Variants in FGF13 observed in about 807,000 individuals in gnomAD.
FGF13 encodes the protein fibroblast growth factor homologous factor 2.
FGF13 carries 2 observed loss-of-function variants against 19.5 expected under a neutral mutation model. The ratio of observed to expected loss-of-function variants is 0.10; its 90% CI spans 0.04 to 0.32. The LOEUF is 0.32. Among genes scored for constraint, FGF13 ranks in the 10% least tolerant of loss-of-function variants. The probability of loss-of-function intolerance (pLI) is 1.00; values close to 1 mark genes in which losing one functional copy is unlikely to be tolerated. For missense variants in FGF13, 113 were observed against 192.7 expected (o/e 0.59, Z 2.45); for synonymous variants, 72 against 76.9 (o/e 0.94, Z 0.33).
At position 138,927,809 on chromosome X, in the gene FGF13, G is replaced by A. The variant is rs759587464; in HGVS notation, c.-112-63159C>T. Among the ~76,000 whole-genome samples the A allele has an allele frequency of 4.5e-5, 5 of 111,629 alleles. No homozygotes were observed. The East Asian group carries it at 8.5e-4, about 19-fold the overall frequency. On this transcript the variant is annotated intron_variant, in intron 1 of 2. Transcript: ENST00000421460. Reference sequence around the variant, plus strand: ...ACCAGCAAGGATGAGGTAGTCAGCCGCTACCATAGACTGGGGGTCTATATA... The same window carrying A: ...ACCAGCAAGGATGAGGTAGTCAGCCACTACCATAGACTGGGGGTCTATATA...
intron 1 of FGF13, among the ~76,000 whole-genome samples, chrX:139,083,953 T>G (rs2083387304): frequency 1.8e-5 from 2 of 110,763 alleles, no homozygotes; most frequent in Non-Finnish European, 3.8e-5. Flanking sequence ...TGCACAGTGC[T>G]CAGGAAGCCA....
At chrX:139,025,499 C>T (rs1487444890) in intron 1 of FGF13, among the ~76,000 whole-genome samples, 1 of 111,440 alleles carries the variant, frequency 9.0e-6, no homozygotes, top group African/African-American at 3.3e-5. Context: ...ACAGTGGGGT[C>T]TCTCATCCAG....
At chrX:138,769,637 T>TG (rs2090530677) in intron 3 of FGF13, among the ~76,000 whole-genome samples, 1 of 112,347 alleles carries the variant, frequency 8.9e-6, no homozygotes, top group Non-Finnish European at 1.9e-5. Flanking sequence ...AGATTAGCGT[T>TG]GGTGTGGGAC....
At chrX:139,149,047 C>G (rs1339888135) in intron 1 of FGF13, among the ~76,000 whole-genome samples, 1 of 111,762 alleles carries the variant, frequency 8.9e-6, no homozygotes, top group Non-Finnish European at 1.9e-5. Context: ...TGAACTGAGT[C>G]TCCTGCAATT....
intron 1 of FGF13, among the ~76,000 whole-genome samples, chrX:138,952,114 T>C (rs915148090): frequency 5.4e-5 from 6 of 111,398 alleles, no homozygotes; most frequent in Admixed American, 4.8e-4. Context: ...GAGCCCGCAT[T>C]GCCAAGTCAA....
chrX:138,779,580 T>C (rs1447686497), intron 3 of FGF13, among the ~76,000 whole-genome samples: 1 of 108,416 alleles, frequency 9.2e-6, no homozygotes, highest in African/African-American at 3.4e-5. Flanking sequence ...GAAGATGAAA[T>C]GAATGAAATG....
intron 1 of FGF13, among the ~76,000 whole-genome samples, chrX:139,137,741 A>G (rs943845580): frequency 1.8e-5 from 2 of 112,560 alleles, no homozygotes; most frequent in African/African-American, 6.5e-5. Context: ...AGACTGCAAC[A>G]GCAGGCTAAA....
intron 3 of FGF13, among the ~76,000 whole-genome samples, chrX:138,761,800 ACT>A (rs752315305): frequency 5.4e-5 from 6 of 110,383 alleles, no homozygotes; most frequent in Non-Finnish European, 7.6e-5. Flanking sequence ...GACTTTCCTG[ACT>A]CTGCATTATC....
chrX:138,758,366 A>C (rs1477509449), intron 3 of FGF13, among the ~76,000 whole-genome samples: 1 of 111,816 alleles, frequency 8.9e-6, no homozygotes, highest in African/African-American at 3.3e-5. Context: ...AGGACCGTAC[A>C]TTTCTATGCA....
At chrX:139,124,172 C>T (rs920826206) in intron 1 of FGF13, among the ~76,000 whole-genome samples, 5 of 112,307 alleles carry the variant, frequency 4.5e-5, no homozygotes, top group Non-Finnish European at 9.4e-5. Context: ...GTAGTGCCCT[C>T]GTCCCTGGGA....
rs1440709905 is a variant in FGF13 at position 138,626,903 on chromosome X, T to C, written c.*5947A>G. The stretch of plus-strand genomic sequence containing the variant: ...CTGTTTTACATTAAGAAGAAAACTA[T>C]AGTATAGCCAGACTTGGAGAACTAA... On this transcript the variant is annotated 3_prime_UTR_variant, in exon 5 of 5. Coordinates refer to ENST00000315930, the MANE Select transcript of FGF13 (RefSeq NM_004114.5). 1 of 112,236 alleles carries C rather than the reference T, an allele frequency of 8.9e-6. No homozygotes were observed. The highest frequency in any genetic ancestry group is 1.9e-5 in the Non-Finnish European group (1 of 53,273). The allele number at this position is 112,236 out of a possible 1,213,427, so 9.2% of individuals were successfully genotyped here.
At chrX:139,168,704 A>G (rs2084106259) in intron 1 of FGF13, among the ~76,000 whole-genome samples, 1 of 112,198 alleles carries the variant, frequency 8.9e-6, no homozygotes, top group African/African-American at 3.2e-5. Flanking sequence ...CTTTAACTGC[A>G]TCAGTAATGT....
intron 1 of FGF13, among the ~76,000 whole-genome samples, chrX:138,875,418 T>C (rs1265222848): frequency 9.0e-6 from 1 of 111,170 alleles, no homozygotes; most frequent in East Asian, 2.8e-4. Flanking sequence ...TTTATTGGAA[T>C]AGCAGAAACT....
chrX:138,847,532 G>A (rs1288548148), intron 3 of FGF13, among the ~76,000 whole-genome samples: 3 of 111,826 alleles, frequency 2.7e-5, no homozygotes, highest in South Asian at 3.7e-4. Flanking sequence ...ATGTGCTGGA[G>A]TGAGTGTGGA....
intron 3 of FGF13, among the ~76,000 whole-genome samples, chrX:138,819,424 T>C (rs1179511550): frequency 1.8e-5 from 2 of 111,434 alleles, no homozygotes; most frequent in African/African-American, 6.5e-5. Context: ...TACTAGTACA[T>C]AGAAAGTCCT....
chrX:139,089,038 C>G (rs1380332052), intron 1 of FGF13, among the ~76,000 whole-genome samples: 1 of 112,379 alleles, frequency 8.9e-6, no homozygotes, highest in Admixed American at 9.4e-5. Flanking sequence ...CAGTGAGAAA[C>G]AAATTTCTGT....
At chrX:138,831,132 G>A (rs1294375883) in intron 3 of FGF13, among the ~76,000 whole-genome samples, 1 of 111,794 alleles carries the variant, frequency 8.9e-6, no homozygotes, top group African/African-American at 3.3e-5. Flanking sequence ...CAGCATCCAT[G>A]TGACGCTAAT....
rs141339847 is a variant in FGF13 at position 139,030,865 on chromosome X, G to A, written c.-112-166215C>T. ...TTGTCACTTCTGCCACATTCAATTA[G>A]TCAAATGCTAGCCCAGGTTAAAAGG... On this transcript the variant is annotated intron_variant, in intron 1 of 2. Coordinates refer to the FGF13 transcript ENST00000421460. 8.2e-3 allele frequency among the ~76,000 whole-genome samples: 919 copies of A among 112,095 alleles called. 10 individuals carry two copies. Among genetic ancestry groups the A allele is most frequent in the African/African-American group, 0.028 (868 of 30,881 alleles).
chrX:138,937,892 A>G (rs901081356), intron 1 of FGF13, among the ~76,000 whole-genome samples: 5 of 112,010 alleles, frequency 4.5e-5, no homozygotes, highest in African/African-American at 1.6e-4. Context: ...CGTCAACTGC[A>G]TAAAGATTAA....
Sources: allele counts gnomAD v4.1 joint callset (sites outside exome capture counted in the v4.1 genomes callset), GRCh38; gene constraint gnomAD v4.1.1; transcripts MANE v1.5; gene names NCBI Gene and HGNC (gene_info 2026-07-23, HGNC 2026-07-21).